The following NDST3 variants were observed in gnomAD, a reference collection of about 807,000 sequenced individuals.
NDST3 encodes N-deacetylase and N-sulfotransferase 3.
Under a neutral mutation model 96.1 loss-of-function variants are expected in NDST3, and 58 were observed. The observed-to-expected ratio is 0.60, with a 90% CI of 0.49 to 0.75. The LOEUF (loss-of-function observed/expected upper bound fraction) is 0.75. Among genes scored for constraint, NDST3 ranks in the 30% least tolerant of loss-of-function variants. The probability of loss-of-function intolerance (pLI) is 0.00; values close to 1 mark genes in which losing one functional copy is unlikely to be tolerated. For synonymous variants in NDST3, 333 were observed against 359.7 expected (o/e 0.93, Z 0.84); for missense variants, 788 against 1,034.2 (o/e 0.76, Z 3.27).
chr4:118,229,966 T>A (rs1740158706), intron 8 of NDST3, among the ~76,000 whole-genome samples: 2 of 152,220 alleles, frequency 1.3e-5, no homozygotes, highest in African/African-American at 2.4e-5. Context: ...TTCACCTAGG[T>A]TACCTCGCTA....
rs138836467 is a variant in NDST3, at chr4:118,226,621, T to G, written c.1723-265T>G. On this transcript the variant is annotated intron_variant, in intron 7 of 13. Coordinates refer to ENST00000296499, the MANE Select transcript of NDST3 (RefSeq NM_004784.3). ...AAAAATAGAACTGCTAGTAGCCAAT[T>G]AAACTCTTCATGCTATGAGACTGTT... 2.6e-5 allele frequency among the ~76,000 whole-genome samples: 4 copies of G among 152,264 alleles called. No homozygotes were observed. The East Asian group carries it at 5.8e-4, about 22-fold the overall frequency.
At chr4:118,164,622 A>C (rs1472540435) in intron 6 of NDST3, among the ~76,000 whole-genome samples, 1 of 152,218 alleles carries the variant, frequency 6.6e-6, no homozygotes, top group Non-Finnish European at 1.5e-5. Flanking sequence ...AGGCAGCAGC[A>C]GAAATTATTA....
chr4:118,224,946 T>G (rs377457066), intron 7 of NDST3, among the ~76,000 whole-genome samples: 1 of 152,290 alleles, frequency 6.6e-6, no homozygotes. Context: ...GAGTGAGAGA[T>G]AAATCTACAG....
At chr4:118,226,577 C>A (rs1739894002) in intron 7 of NDST3, among the ~76,000 whole-genome samples, 2 of 151,960 alleles carry the variant, frequency 1.3e-5, no homozygotes, top group Non-Finnish European at 2.9e-5. Context: ...AATCTCTGCC[C>A]AGTAAGCTAA....
intron 6 of NDST3, among the ~76,000 whole-genome samples, chr4:118,149,740 C>G (rs1287367725): frequency 4.0e-5 from 6 of 149,078 alleles, no homozygotes; most frequent in Non-Finnish European, 7.5e-5. Context: ...AATTGAATAC[C>G]CTTTATTTCC....
intron 5 of NDST3, among the ~76,000 whole-genome samples, chr4:118,138,958 C>T (rs879416345): frequency 6.6e-6 from 1 of 152,118 alleles, no homozygotes; most frequent in Admixed American, 6.6e-5. Context: ...TGGGAAGAAA[C>T]ACCACAGAAG....
intron 4 of NDST3, among the ~76,000 whole-genome samples, chr4:118,118,531 C>A (rs1350522581): frequency 6.6e-6 from 1 of 152,152 alleles, no homozygotes; most frequent in African/African-American, 2.4e-5. Flanking sequence ...ACAATGTGGA[C>A]ACATCTGACT....
intron 6 of NDST3, among the ~76,000 whole-genome samples, chr4:118,166,609 T>A (rs1277002032): frequency 6.6e-6 from 1 of 151,890 alleles, no homozygotes; most frequent in South Asian, 2.1e-4. Flanking sequence ...AGAGAAACTA[T>A]AGGACAATAT....
At chr4:118,053,481 A>T in intron 1 of NDST3, among the ~76,000 whole-genome samples, 1 of 152,008 alleles carries the variant, frequency 6.6e-6, no homozygotes. Context: ...TAGTATCTAC[A>T]GAGTTTGATG....
intron 2 of NDST3, among the ~76,000 whole-genome samples, chr4:118,057,799 A>G (rs1725550054): frequency 6.6e-6 from 1 of 152,070 alleles, no homozygotes; most frequent in South Asian, 2.1e-4. Context: ...GTGAAGAAAG[A>G]GAGTGTAGAG....
At chr4:118,144,976 T>C (rs569751603) in intron 6 of NDST3, among the ~76,000 whole-genome samples, 3 of 152,306 alleles carry the variant, frequency 2.0e-5, no homozygotes, top group Admixed American at 1.3e-4. Context: ...AACTCATCTT[T>C]GGACAAAACC....
At chr4:118,040,226 G>T (rs1263463429) in intron 1 of NDST3, among the ~76,000 whole-genome samples, 1 of 152,250 alleles carries the variant, frequency 6.6e-6, no homozygotes, top group East Asian at 1.9e-4. Flanking sequence ...CACAGTCTAT[G>T]TGAGTTGTTG....
intron 12 of NDST3, among the ~76,000 whole-genome samples, chr4:118,244,057 A>T (rs1490418829): frequency 6.6e-6 from 1 of 152,194 alleles, no homozygotes; most frequent in Non-Finnish European, 1.5e-5. Context: ...TTTCTATTCC[A>T]GCAGTGCCAC....
chr4:118,197,237 T>C (rs1440317636), intron 6 of NDST3, among the ~76,000 whole-genome samples: 1 of 150,916 alleles, frequency 6.6e-6, no homozygotes, highest in African/African-American at 2.4e-5. Context: ...TTGAATGTTT[T>C]AAGACTTGTT....
At chr4:118,175,252 C>A (rs1280741550) in intron 6 of NDST3, among the ~76,000 whole-genome samples, 1 of 152,004 alleles carries the variant, frequency 6.6e-6, no homozygotes, top group South Asian at 2.1e-4. Context: ...AAGTAAACTC[C>A]CTTTAACTGT....
intron 3 of NDST3, among the ~76,000 whole-genome samples, chr4:118,108,283 G>T (rs1306197437): frequency 6.6e-6 from 1 of 152,172 alleles, no homozygotes; most frequent in Non-Finnish European, 1.5e-5. Context: ...AAACAAGAGA[G>T]ATGAAAAGAA....
intron 6 of NDST3, among the ~76,000 whole-genome samples, chr4:118,201,680 T>C (rs1738096846): frequency 6.6e-6 from 1 of 152,208 alleles, no homozygotes; most frequent in African/African-American, 2.4e-5. Context: ...AGATTCTGGA[T>C]ACTAGGCCAT....
At chr4:118,183,226 C>T (rs139657906) in intron 6 of NDST3, among the ~76,000 whole-genome samples, 1 of 152,294 alleles carries the variant, frequency 6.6e-6, no homozygotes, top group Non-Finnish European at 1.5e-5. Context: ...ATCTGTTGTT[C>T]CAGAATCTCA....
intron 4 of NDST3, among the ~76,000 whole-genome samples, chr4:118,116,928 AT>A (rs1272702835): frequency 6.6e-6 from 1 of 152,184 alleles, no homozygotes; most frequent in African/African-American, 2.4e-5. Context: ...AGTTACATGC[AT>A]TTTTTAGAAT....
Sources: allele counts gnomAD v4.1 joint callset (sites outside exome capture counted in the v4.1 genomes callset), GRCh38; gene constraint gnomAD v4.1.1; transcripts MANE v1.5; gene names NCBI Gene and HGNC (gene_info 2026-07-23, HGNC 2026-07-21).